The following CCDC122 variants were observed in gnomAD, a reference collection of about 807,000 sequenced individuals.
CCDC122 encodes the protein coiled-coil domain-containing protein 122.
CCDC122 carries 38 observed loss-of-function variants against 37.0 expected under a neutral mutation model. The observed-to-expected ratio is 1.03, with a 90% CI of 0.79 to 1.35. CCDC122 has a LOEUF of 1.35. CCDC122 is among the 40% of genes most tolerant of loss of function. The pLI is 0.00. For synonymous variants in CCDC122, 83 were observed against 95.6 expected, an observed-to-expected ratio of 0.87 and a Z score of 0.77; for missense variants, 305 against 310.0, an observed-to-expected ratio of 0.98 and a Z score of 0.12.
At chr13:43,822,903 C>A (rs755224777), downstream of CCDC122, among the ~76,000 whole-genome samples, 16 of 152,124 alleles carry the variant, frequency 1.1e-4, no homozygotes, top group South Asian at 2.1e-4. Context: ...GGCCTGGAAC[C>A]GGGGACCCCA....
At chr13:43,861,298 C>G (rs1014151965) in intron 4 of CCDC122, among the ~76,000 whole-genome samples, 1 of 152,188 alleles carries the variant, frequency 6.6e-6, no homozygotes, top group African/African-American at 2.4e-5. Flanking sequence ...AACACCCCAG[C>G]TAGTTACATA....
At chr13:43,834,985 A>T (rs2153868775), downstream of CCDC122, among the ~76,000 whole-genome samples, 1 of 152,314 alleles carries the variant, frequency 6.6e-6, no homozygotes, top group Middle Eastern at 3.4e-3. Flanking sequence ...ATTATAAAAC[A>T]TGCTGCTATA....
Position 43,872,889 on chromosome 13 carries a change from C to T in CCDC122, c.-114+1953G>A, listed in dbSNP as rs532073799. 2.6e-5 allele frequency among the ~76,000 whole-genome samples: 4 copies of T among 152,174 alleles called. No individual in the cohort carries two copies. In the South Asian group the frequency reaches 6.2e-4, roughly 24 times the overall value. ...CCCCTTTAAAGCCAAGATCTTTGGT[C>T]TCCACTTCCTCTCCTCTTTCTTCTT... is the stretch of plus-strand genomic sequence containing the variant. On this transcript the variant is annotated intron_variant, in intron 2 of 6. Transcript: ENST00000444614.
At chr13:43,846,153 C>A (rs1421075066) in intron 6 of CCDC122, among the ~76,000 whole-genome samples, 3 of 152,044 alleles carry the variant, frequency 2.0e-5, no homozygotes, top group African/African-American at 4.8e-5. Context: ...CAGCTCACTG[C>A]AACCTCCGCC....
chr13:43,865,657 G>T (rs994257021), intron 4 of CCDC122, among the ~76,000 whole-genome samples: 1 of 152,102 alleles, frequency 6.6e-6, no homozygotes. Flanking sequence ...TAGAGACAGG[G>T]TTTCACCATG....
intron 6 of CCDC122, chr13:43,856,303 T>C (rs1385736266): frequency 1.3e-5 from 2 of 152,184 alleles, no homozygotes; most frequent in Non-Finnish European, 2.9e-5. Context: ...AATTTACCTA[T>C]ATAACAAACC....
chr13:43,837,181 A>G lies in CCDC122; in HGVS notation c.*99T>C. 1 of 1,174,962 alleles carries G rather than the reference A, an allele frequency of 8.5e-7. No individual in the cohort carries two copies. Among genetic ancestry groups the G allele is most frequent in the Non-Finnish European group, 1.2e-6 (1 of 832,694 alleles). 72.8% of individuals were successfully genotyped at this position (1,174,962 alleles called of 1,614,324 possible). A position where few individuals can be genotyped will look rare whatever the true frequency, so the allele number is the denominator to read the frequency against. ...TCTGTCATTAAGACAGGTCTCTAAT[A>G]GTGGATGCTTGTTATTAAGAATCCA... On this transcript the variant is annotated 3_prime_UTR_variant, in exon 7 of 7. Transcript: ENST00000444614.
At chr13:43,820,601 A>T (rs998879206), downstream of CCDC122, among the ~76,000 whole-genome samples, 1 of 152,240 alleles carries the variant, frequency 6.6e-6, no homozygotes, top group Non-Finnish European at 1.5e-5. Flanking sequence ...AATCTGGCTT[A>T]TTACCTTTGA....
chr13:43,843,007 ATATT>A (rs1486694525), intron 6 of CCDC122, among the ~76,000 whole-genome samples: 2 of 151,992 alleles, frequency 1.3e-5, no homozygotes, highest in South Asian at 2.1e-4. Flanking sequence ...TTTATGCCTT[ATATT>A]TACTTTTTTC....
rs1462062685 is a variant in CCDC122, at chr13:43,837,289, C to T, written c.813G>A (p.Met271Ile). The T allele has an allele frequency of 6.2e-7, 1 of 1,613,544 alleles. No individual in the cohort carries two copies. The highest frequency in any genetic ancestry group is 1.3e-5 in the African/African-American group (1 of 74,918). ...TTGCCCTATGGCAATGTTACTCTTG[C>T]ATTCCAATGCATTTTCTTAATTCGG... ...TAAELRKCIG[M>I]QE The change falls in exon 7 of 7, where the codon ATG becomes ATA. Residue 271 changes from methionine (M) to isoleucine (I), a missense_variant. Coordinates refer to ENST00000444614, the MANE Select transcript of CCDC122 (RefSeq NM_144974.5).
chr13:43,847,228 G>T (rs547769473), intron 6 of CCDC122, among the ~76,000 whole-genome samples: 51 of 152,192 alleles, frequency 3.4e-4, no homozygotes, highest in Non-Finnish European at 6.3e-4. Flanking sequence ...GTTGCAAAAT[G>T]ATACATATAC....
chr13:43,879,615 GGCGGCCCT>G lies in CCDC122; in HGVS notation c.-200+8_-200+15del, dbSNP rs1334883451. 6.6e-6 allele frequency: 1 copy of G among 152,334 alleles called. No homozygotes were observed. Among genetic ancestry groups the G allele is most frequent in the Non-Finnish European group, 1.5e-5 (1 of 68,214 alleles). 9.4% of individuals were successfully genotyped at this position (152,334 alleles called of 1,614,324 possible). A position where few individuals can be genotyped will look rare whatever the true frequency, so the allele number is the denominator to read the frequency against. On this transcript the variant is annotated splice_region_variant and intron_variant, in intron 1 of 6. Transcript: ENST00000444614. ...CGCCGCGTTCGCACCAAGCACGCCA[GGCGGCCCT>G]GGCCTACCTCCCTCCCGCCTCCCGG...
chr13:43,873,910 C>A (rs932651215), intron 2 of CCDC122, among the ~76,000 whole-genome samples: 1 of 152,102 alleles, frequency 6.6e-6, no homozygotes, highest in Non-Finnish European at 1.5e-5. Flanking sequence ...AAGTGCCTGG[C>A]ATATAACAGG....
intron 3 of CCDC122, among the ~76,000 whole-genome samples, chr13:43,830,810 A>G (rs966968312): frequency 6.6e-6 from 1 of 152,204 alleles, no homozygotes; most frequent in Non-Finnish European, 1.5e-5. Flanking sequence ...GAGTTACCAC[A>G]AAAAATGAGA....
At chr13:43,866,310 A>G (rs1954275777) in intron 4 of CCDC122, among the ~76,000 whole-genome samples, 2 of 152,234 alleles carry the variant, frequency 1.3e-5, no homozygotes, top group African/African-American at 2.4e-5. Context: ...TTGGACACCA[A>G]GTTGGCATCC....
intron 1 of CCDC122, among the ~76,000 whole-genome samples, chr13:43,876,532 AACTC>A (rs1954616359): frequency 6.6e-6 from 1 of 152,148 alleles, no homozygotes; most frequent in African/African-American, 2.4e-5. Context: ...CTAACCACTT[AACTC>A]ACTCTATTAC....
At chr13:43,828,774 G>T (rs1953063144) in intron 3 of CCDC122, among the ~76,000 whole-genome samples, 1 of 151,998 alleles carries the variant, frequency 6.6e-6, no homozygotes, top group African/African-American at 2.4e-5. Context: ...TTAATTTAAA[G>T]AACTAAATAA....
intron 1 of CCDC122, 184 bp downstream of exon 1, chr13:43,879,447 G>A (rs1594875281): frequency 6.5e-6 from 1 of 152,720 alleles, no homozygotes; most frequent in Non-Finnish European, 1.5e-5. Flanking sequence ...GAGCCCTCGC[G>A]CGGCTCTGGT....
intron 2 of CCDC122, among the ~76,000 whole-genome samples, chr13:43,869,861 T>C (rs146296971): frequency 5.9e-5 from 9 of 152,170 alleles, no homozygotes; most frequent in Middle Eastern, 3.4e-3. Flanking sequence ...ACAATATCAA[T>C]AATGATTAAC....
Sources: gnomAD v4.1 joint callset for allele counts (sites outside exome capture counted in the v4.1 genomes callset) on GRCh38, gnomAD v4.1.1 for gene constraint, MANE v1.5 for transcripts, NCBI Gene and HGNC (gene_info 2026-07-23, HGNC 2026-07-21) for gene names.